The following NXPE3 variants were observed in gnomAD, a reference collection of about 807,000 sequenced individuals.
NXPE3 encodes neurexophilin and PC-esterase domain family member 3.
NXPE3 carries 26 observed loss-of-function variants against 46.1 expected under a neutral mutation model. That is an observed-to-expected ratio of 0.56 (90% CI 0.41 to 0.78). The LOEUF is 0.78. Among genes scored for constraint, NXPE3 ranks in the 30% least tolerant of loss-of-function variants. The pLI is 0.00. For missense variants in NXPE3, 620 were observed against 686.0 expected (o/e 0.90, Z 1.07); for synonymous variants, 272 against 257.9 (o/e 1.05, Z -0.52).
chr3:101,785,163 A>G (rs528875185), intron 3 of NXPE3, among the ~76,000 whole-genome samples: 1 of 152,354 alleles, frequency 6.6e-6, no homozygotes, highest in African/African-American at 2.4e-5. Flanking sequence ...CTTAAAAGTT[A>G]AAACCTAAAT....
At chr3:101,806,376 T>C (rs1013338470) in intron 5 of NXPE3, among the ~76,000 whole-genome samples, 2 of 152,194 alleles carry the variant, frequency 1.3e-5, no homozygotes, top group African/African-American at 4.8e-5. Flanking sequence ...CCCTCCCCCA[T>C]GTTTTAATGC....
chr3:101,821,321 T>C (rs1942237144), intron 7 of NXPE3, 83 bp from the exon 8 acceptor site: 2 of 1,206,936 alleles, frequency 1.7e-6, no homozygotes, highest in Non-Finnish European at 2.3e-6. Context: ...AAAATTGTTA[T>C]TTGAAGCCAC....
intron 4 of NXPE3, among the ~76,000 whole-genome samples, chr3:101,793,800 C>T (rs761881113): frequency 9.9e-5 from 15 of 151,960 alleles, no homozygotes; most frequent in Non-Finnish European, 1.9e-4. Flanking sequence ...TGCTTATCAT[C>T]GCTCTGTTGA....
Position 101,814,679 on chromosome 3 carries a change from T to C in NXPE3, c.923-2116T>C, listed in dbSNP as rs1472963288. 4.6e-5 allele frequency among the ~76,000 whole-genome samples: 7 copies of C among 152,164 alleles called. No individual in the cohort carries two copies. In the East Asian group the frequency reaches 1.3e-3, roughly 29 times the overall value. ...CAAATTGTGGCTTAATAGGTGACTA[T>C]AGAATGACTGGACTTTGATAAAGGT... On this transcript the variant is annotated intron_variant, in intron 6 of 7. Transcript: ENST00000273347.
At chr3:101,789,895 T>C (rs1245818179) in intron 4 of NXPE3, among the ~76,000 whole-genome samples, 2 of 152,146 alleles carry the variant, frequency 1.3e-5, no homozygotes, top group Non-Finnish European at 2.9e-5. Flanking sequence ...CTCACTATGT[T>C]GTCCAGGCTT....
chr3:101,792,927 TCTC>T (rs767177849), intron 4 of NXPE3, among the ~76,000 whole-genome samples: 70 of 152,336 alleles, frequency 4.6e-4, no homozygotes, highest in Non-Finnish European at 8.5e-4. Context: ...GTTTGTGTCT[TCTC>T]TGATTTATTT....
At position 101,822,785 on chromosome 3, in the gene NXPE3, G is replaced by A. The variant is rs1942313014; in HGVS notation, c.*831G>A. ...GTTTAGGAATTGACTTTTGTGTAAA[G>A]AATGCTACGATATTATAAAGCTGTG... is the stretch of plus-strand genomic sequence containing the variant. On this transcript the variant is annotated 3_prime_UTR_variant, in exon 8 of 8. Transcript: ENST00000273347. The A allele has an allele frequency of 1.3e-5, 2 of 151,742 alleles. No homozygotes were observed. Among genetic ancestry groups the A allele is most frequent in the African/African-American group, 2.4e-5 (1 of 41,322 alleles). The allele number at this position is 151,742 out of a possible 1,614,324, so 9.4% of individuals were successfully genotyped here.
At chr3:101,787,728 A>G (rs975681868) in intron 4 of NXPE3, among the ~76,000 whole-genome samples, 3 of 152,252 alleles carry the variant, frequency 2.0e-5, no homozygotes, top group Admixed American at 6.5e-5. Context: ...CTGTCTACAC[A>G]TAGACGGAGG....
intron 6 of NXPE3, among the ~76,000 whole-genome samples, chr3:101,814,286 G>T (rs549135638): frequency 3.6e-4 from 55 of 152,346 alleles, no homozygotes; most frequent in African/African-American, 9.9e-4. Flanking sequence ...TGCACAAGGT[G>T]CAGTAACATA....
intron 4 of NXPE3, among the ~76,000 whole-genome samples, chr3:101,787,978 A>G (rs1940291126): frequency 4.6e-5 from 7 of 152,250 alleles, no homozygotes; most frequent in Non-Finnish European, 1.5e-5. Flanking sequence ...ATTATTTTCC[A>G]TAATAGCTGC....
Position 101,801,361 on chromosome 3 carries a change from G to A in NXPE3, c.220G>A (p.Glu74Lys). 1 of 1,614,192 alleles carries A rather than the reference G, an allele frequency of 6.2e-7. No homozygotes were observed. Among genetic ancestry groups the A allele is most frequent in the Non-Finnish European group, 8.5e-7 (1 of 1,180,042 alleles). Reference sequence around the variant, plus strand: ...TGATCAGCAGACCCTGTCCAGCCAGGAGCGCATGGAGGAGGACTCCTTGCT... The same window carrying A: ...TGATCAGCAGACCCTGTCCAGCCAGAAGCGCATGGAGGAGGACTCCTTGCT... Reference protein sequence around the residue: ...GYDQQTLSSQERMEEDSLLAA... With the variant: ...GYDQQTLSSQKRMEEDSLLAA... The change falls in exon 5 of 8, where the codon GAG becomes AAG. Residue 74 changes from glutamate to lysine, a missense_variant. Glu to Lys is a moderately conservative substitution (Grantham distance 56, BLOSUM62 1). Coordinates refer to ENST00000273347, the MANE Select transcript of NXPE3 (RefSeq NM_145037.4).
intron 6 of NXPE3, among the ~76,000 whole-genome samples, chr3:101,808,603 T>G (rs1254437605): frequency 6.6e-6 from 1 of 151,948 alleles, no homozygotes; most frequent in African/African-American, 2.4e-5. Flanking sequence ...ATTTTTTAAC[T>G]GTGATATCTC....
intron 7 of NXPE3, among the ~76,000 whole-genome samples, chr3:101,821,026 A>T (rs542858778): frequency 1.5e-4 from 23 of 152,322 alleles, no homozygotes; most frequent in African/African-American, 4.8e-4. Flanking sequence ...AAAAAACCCA[A>T]ACTTTTTAGA....
At chr3:101,780,750 T>A (rs1166166158) in intron 1 of NXPE3, among the ~76,000 whole-genome samples, 1 of 152,354 alleles carries the variant, frequency 6.6e-6, no homozygotes. Flanking sequence ...GTGTGACTTA[T>A]ATAACTGATT....
rs1470437475 is a variant in NXPE3 at position 101,782,148 on chromosome 3, G to C, written c.-459G>C. ...ATAGAAATGTAAAAAACATTTATGTGTGCTTCACATGTGGCATGAAAAAAA... is the reference window on the plus strand; with the variant it reads ...ATAGAAATGTAAAAAACATTTATGTCTGCTTCACATGTGGCATGAAAAAAA... On this transcript the variant is annotated 5_prime_UTR_variant, in exon 2 of 8. Coordinates refer to ENST00000273347, the MANE Select transcript of NXPE3 (RefSeq NM_145037.4). 6.6e-6 allele frequency: 1 copy of C among 152,004 alleles called. No homozygotes were observed. Among genetic ancestry groups the C allele is most frequent in the Non-Finnish European group, 1.5e-5 (1 of 68,014 alleles). The allele number at this position is 152,004 out of a possible 1,614,324, so 9.4% of individuals were successfully genotyped here.
Position 101,825,588 on chromosome 3 carries a change from C to G in NXPE3, c.*3634C>G, listed in dbSNP as rs539114836. 2.0e-5 allele frequency: 3 copies of G among 152,134 alleles called. No homozygotes were observed. The South Asian group carries it at 6.2e-4, about 32-fold the overall frequency. 9.4% of individuals were successfully genotyped at this position (152,134 alleles called of 1,614,324 possible). ...TATATTTTCTTGCAGGTTTTTTAAC[C>G]ATATACTTATAGAGAATATGTAATT... On this transcript the variant is annotated 3_prime_UTR_variant, in exon 8 of 8. Transcript: ENST00000273347.
chr3:101,811,961 T>C (rs1274146492), intron 6 of NXPE3, among the ~76,000 whole-genome samples: 2 of 152,114 alleles, frequency 1.3e-5, no homozygotes, highest in Non-Finnish European at 2.9e-5. Flanking sequence ...CTGAAACTCC[T>C]GACCTCAAGT....
At chr3:101,810,437 T>C (rs1286302337) in intron 6 of NXPE3, among the ~76,000 whole-genome samples, 2 of 152,246 alleles carry the variant, frequency 1.3e-5, no homozygotes, top group Non-Finnish European at 2.9e-5. Context: ...TGATCTATGC[T>C]CTTACATAAT....
chr3:101,807,526 G>A (rs1312324003), intron 6 of NXPE3, among the ~76,000 whole-genome samples: 1 of 151,658 alleles, frequency 6.6e-6, no homozygotes, highest in Non-Finnish European at 1.5e-5. Flanking sequence ...TTTTTGCCAT[G>A]TTGCCCAGGA....
Sources: gnomAD v4.1 joint callset for allele counts (sites outside exome capture counted in the v4.1 genomes callset) on GRCh38, gnomAD v4.1.1 for gene constraint, MANE v1.5 for transcripts, NCBI Gene and HGNC (gene_info 2026-07-23, HGNC 2026-07-21) for gene names.